Variants in HEMK2 observed in about 807,000 individuals in gnomAD.
HEMK2 encodes the protein HemK methyltransferase 2, ETF1 glutamine and histone H4 lysine, also known as methyltransferase HEMK2.
chr21:28,714,937 TA>T, the HEMK2 span, among the ~76,000 whole-genome samples: 1 of 152,312 alleles, frequency 6.6e-6, no homozygotes, highest in South Asian at 2.1e-4. Flanking sequence ...TAATGACCTC[TA>T]GCTCCATCCA....
chr21:28,776,531 G>T, the HEMK2 span, among the ~76,000 whole-genome samples: 1 of 152,210 alleles, frequency 6.6e-6, no homozygotes, highest in East Asian at 1.9e-4. Context: ...TAATAGCATA[G>T]ATGTATATAT....
chr21:28,651,710 A>G, the HEMK2 span, among the ~76,000 whole-genome samples: 4 of 152,216 alleles, frequency 2.6e-5, no homozygotes, highest in Non-Finnish European at 2.9e-5. Context: ...GAATCTCTCT[A>G]TATCAACCAC....
the HEMK2 span, among the ~76,000 whole-genome samples, chr21:28,670,437 TC>T: frequency 6.6e-6 from 1 of 152,218 alleles, no homozygotes; most frequent in Non-Finnish European, 1.5e-5. Context: ...TTTTCTTTTC[TC>T]ATTGCTGTGT....
the HEMK2 span, among the ~76,000 whole-genome samples, chr21:28,849,905 A>T: frequency 6.6e-6 from 1 of 152,230 alleles, no homozygotes; most frequent in Non-Finnish European, 1.5e-5. Context: ...GGCATCCCTG[A>T]GAAAGAGAGA....
At chr21:28,689,587 C>CAACACAAAACAAGGTA in the HEMK2 span, among the ~76,000 whole-genome samples, 1 of 152,080 alleles carries the variant, frequency 6.6e-6, no homozygotes, top group South Asian at 2.1e-4. Context: ...GCGATCACAC[C>CAACACAAAACAAGGTA]TTTGGCAGGC....
At chr21:28,691,702 T>TA in the HEMK2 span, among the ~76,000 whole-genome samples, 1 of 99,170 alleles carries the variant, frequency 1.0e-5, no homozygotes, top group East Asian at 6.9e-4. Context: ...TGGCAAGAGA[T>TA]AGTGATGTTA....
chr21:28,704,241 AATATAATTCAGACC>A, the HEMK2 span, among the ~76,000 whole-genome samples: 1 of 152,176 alleles, frequency 6.6e-6, no homozygotes, highest in Admixed American at 6.6e-5. Flanking sequence ...CCAGCTGGGG[AATATAATTCAGACC>A]ACATAGAAAA....
chr21:28,780,967 T>C, the HEMK2 span, among the ~76,000 whole-genome samples: 1 of 152,214 alleles, frequency 6.6e-6, no homozygotes, highest in African/African-American at 2.4e-5. Flanking sequence ...CAGTGAAGAC[T>C]TTTCATTGAG....
chr21:28,803,382 A>C, the HEMK2 span, among the ~76,000 whole-genome samples: 1 of 152,032 alleles, frequency 6.6e-6, no homozygotes, highest in Non-Finnish European at 1.5e-5. Context: ...CTTTGTATAC[A>C]TAGTCAGTTT....
the HEMK2 span, among the ~76,000 whole-genome samples, chr21:28,833,563 C>G: frequency 1.7e-4 from 26 of 152,316 alleles, no homozygotes; most frequent in African/African-American, 4.8e-4. Context: ...TTCAACTAAA[C>G]AAACATAAAT....
the HEMK2 span, among the ~76,000 whole-genome samples, chr21:28,688,184 A>C: frequency 1.6e-3 from 250 of 152,320 alleles, no homozygotes; most frequent in Admixed American, 0.014. Flanking sequence ...GCATAACACA[A>C]CTTGAAGACA....
chr21:28,827,570 G>T, the HEMK2 span, among the ~76,000 whole-genome samples: 1 of 152,136 alleles, frequency 6.6e-6, no homozygotes. Context: ...CTCCACTTTA[G>T]AAATCAAGGG....
chr21:28,768,339 C>A, the HEMK2 span, among the ~76,000 whole-genome samples: 1 of 152,086 alleles, frequency 6.6e-6, no homozygotes, highest in African/African-American at 2.4e-5. Context: ...GGGATTCTTA[C>A]TGTGTAGCAT....
At chr21:28,750,341 T>A in the HEMK2 span, among the ~76,000 whole-genome samples, 1 of 152,152 alleles carries the variant, frequency 6.6e-6, no homozygotes, top group Non-Finnish European at 1.5e-5. Flanking sequence ...CACAGTTTAA[T>A]AATTTAATAA....
At chr21:28,585,836 T>A in the HEMK2 span, among the ~76,000 whole-genome samples, 1 of 152,020 alleles carries the variant, frequency 6.6e-6, no homozygotes, top group Admixed American at 6.6e-5. Flanking sequence ...TTGAAAGACA[T>A]AAATCCTCAG....
chr21:28,601,614 C>CTTTT, the HEMK2 span, among the ~76,000 whole-genome samples: 2 of 113,352 alleles, frequency 1.8e-5, no homozygotes, highest in Non-Finnish European at 3.8e-5. Context: ...ATCTCTCTCT[C>CTTTT]TCTCTCTCTC....
chr21:28,778,592 G>C, the HEMK2 span, among the ~76,000 whole-genome samples: 1 of 152,124 alleles, frequency 6.6e-6, no homozygotes, highest in Admixed American at 6.6e-5. Context: ...GCCAGCATTA[G>C]GTTTCATTAC....
chr21:28,758,578 A>T, the HEMK2 span, among the ~76,000 whole-genome samples: 1 of 152,222 alleles, frequency 6.6e-6, no homozygotes, highest in Non-Finnish European at 1.5e-5. Context: ...AAACTAAGTT[A>T]GGAAGGGCAA....
chr21:28,662,920 C>T, the HEMK2 span, among the ~76,000 whole-genome samples: 1 of 152,104 alleles, frequency 6.6e-6, no homozygotes, highest in African/African-American at 2.4e-5. Flanking sequence ...TCTCCATTCT[C>T]CCCTCCTCTT....
Sources: gnomAD v4.1 joint callset for allele counts (sites outside exome capture counted in the v4.1 genomes callset) on GRCh38, gnomAD v4.1.1 for gene constraint, MANE v1.5 for transcripts, NCBI Gene and HGNC (gene_info 2026-07-23, HGNC 2026-07-21) for gene names.